LCP2: variants seen among roughly 807,000 people sequenced by gnomAD.
The protein encoded by LCP2 is lymphocyte cytosolic protein 2, also known as 76 kDa tyrosine phosphoprotein.
A neutral mutation model predicts 74.5 loss-of-function variants in LCP2; 29 were observed. The observed-to-expected ratio is 0.39, with a 90% confidence interval of 0.29 to 0.53. The LOEUF is 0.53. Ranked by LOEUF, LCP2 falls within the 20% of genes least tolerant of loss-of-function variation. The probability of loss-of-function intolerance (pLI) is 0.72; values close to 1 mark genes in which losing one functional copy is unlikely to be tolerated. For synonymous variants in LCP2, 228 were observed against 229.5 expected, an observed-to-expected ratio of 0.99 and a Z score of 0.06; for missense variants, 604 against 634.6, an observed-to-expected ratio of 0.95 and a Z score of 0.52.
intron 3 of LCP2, among the ~76,000 whole-genome samples, chr5:170,277,757 A>AG (rs1762031460): frequency 3.4e-5 from 5 of 146,350 alleles, no homozygotes; most frequent in Admixed American, 1.4e-4. Flanking sequence ...AAAAAAAAAA[A>AG]AAAAAAGAAA....
intron 19 of LCP2, 153 bp from the exon 20 acceptor site, chr5:170,251,038 C>A: frequency 1.7e-6 from 1 of 603,316 alleles, no homozygotes; most frequent in Non-Finnish European, 2.9e-6. Flanking sequence ...AACGAACATT[C>A]AGTTCTCCAA....
chr5:170,293,392 GTGT>G lies in LCP2; in HGVS notation c.79-23_79-21del, dbSNP rs776368829. 3.9e-5 allele frequency: 61 copies of G among 1,574,462 alleles called. No individual in the cohort carries two copies. Among genetic ancestry groups the G allele is most frequent in the South Asian group, 2.9e-4 (25 of 85,716 alleles). On this transcript the variant is annotated intron_variant, in intron 1 of 20. Transcript: ENST00000046794. ...GTTGAGCTGCAAAGAGAAGGGGAAG[GTGT>G]TGTTAGTGACGGGCAGTCTCTTACC...
At chr5:170,278,246 TC>T (rs1762039210) in intron 3 of LCP2, among the ~76,000 whole-genome samples, 1 of 143,482 alleles carries the variant, frequency 7.0e-6, no homozygotes, top group South Asian at 2.3e-4. Context: ...AAAACAAAGA[TC>T]CCTGCTAGTG....
At chr5:170,278,761 G>A (rs568022971) in intron 3 of LCP2, among the ~76,000 whole-genome samples, 3 of 152,130 alleles carry the variant, frequency 2.0e-5, no homozygotes, top group Non-Finnish European at 4.4e-5. Flanking sequence ...GGCTGCCGGG[G>A]CTCGAATTGG....
At chr5:170,261,158 TA>T in intron 13 of LCP2, 21 bp from the exon 14 acceptor site, 15 of 1,577,586 alleles carry the variant, frequency 9.5e-6, no homozygotes, top group Admixed American at 1.7e-5. Context: ...TTAGGGCAAA[TA>T]AAAAGAACTG....
At position 170,247,695 on chromosome 5, in the gene LCP2, G is replaced by A. The variant is rs558483514; in HGVS notation, c.*1002C>T. The A allele has an allele frequency of 6.6e-6, 1 of 152,322 alleles. No homozygotes were observed. Among genetic ancestry groups the A allele is most frequent in the African/African-American group, 2.4e-5 (1 of 41,568 alleles). The allele number at this position is 152,322 out of a possible 1,614,324, so 9.4% of individuals were successfully genotyped here. On this transcript the variant is annotated 3_prime_UTR_variant, in exon 21 of 21. Transcript: ENST00000046794. ...ATACAGCCTGTTTGGGAAGGATGAG[G>A]AGAAGGGACTTTATGGCAGAGCTGT...
Position 170,268,391 on chromosome 5 carries a change from AT to A in LCP2, c.614del (p.Asn205IlefsTer31). 1 of 650,494 alleles carries A rather than the reference AT, an allele frequency of 1.5e-6. No individual in the cohort carries two copies. Among genetic ancestry groups the A allele is most frequent in the Non-Finnish European group, 2.0e-6 (1 of 503,794 alleles). The allele number at this position is 650,494 out of a possible 1,614,324, so 40.3% of individuals were successfully genotyped here. ...AGAACGGGAGGAGGCCTACCGAGTGATTCCGGCCGGCTGGTGGGGGCGGGAG... is the reference window on the plus strand; with the variant it reads ...AGAACGGGAGGAGGCCTACCGAGTGATCCGGCCGGCTGGTGGGGGCGGGAG... ...AALPPPPAGR[N>X]HSPLPPPQTN... is the part of the protein sequence containing the mutation. On this transcript the variant is annotated frameshift_variant, in exon 8 of 21. Transcript: ENST00000046794. LOFTEE classifies it high-confidence loss of function.
chr5:170,275,568 A>G (rs1029477630), intron 4 of LCP2: 22 of 647,136 alleles, frequency 3.4e-5, no homozygotes, highest in Non-Finnish European at 5.6e-5. Context: ...GAAGCTCATG[A>G]CTGTCTGATG....
At position 170,250,756 on chromosome 5, in the gene LCP2, A is replaced by G. The variant is rs751413816; in HGVS notation, c.1453T>C (p.Leu485=). ...TCTTTCCCTCGGAGTCCAGTTCCCA[A>G]CAAGTAAACTTGACTTTCCTTCTGA... ...RYQKESQVYL[L]GTGLRGKEDF... Residue 485 remains leucine (L), a synonymous_variant, in exon 20 of 21, where the codon TTG becomes CTG. Coordinates refer to ENST00000046794, the MANE Select transcript of LCP2 (RefSeq NM_005565.5). 6.2e-7 allele frequency: 1 copy of G among 1,613,518 alleles called. No individual in the cohort carries two copies. Among genetic ancestry groups the G allele is most frequent in the South Asian group, 1.1e-5 (1 of 91,078 alleles).
chr5:170,289,758 C>CTT lies in LCP2; in HGVS notation c.142-1744_142-1743dup, dbSNP rs33981922. Among the ~76,000 whole-genome samples, 145 of 123,268 alleles carry CTT rather than the reference C, an allele frequency of 1.2e-3. 11 individuals are homozygous for CTT. The highest frequency in any genetic ancestry group is 2.5e-3 in the Admixed American group (29 of 11,668). The allele number at this position is 123,268 out of a possible 152,430, so 80.9% of individuals were successfully genotyped here. A position where few individuals can be genotyped will look rare whatever the true frequency, so the allele number is the denominator to read the frequency against. ...CTGTCTTTTCTTTTCTTTTCTTTCT[C>CTT]TTTTTTTTTTTCATCACTGAGCAGC... On this transcript the variant is annotated intron_variant, in intron 2 of 20. Transcript: ENST00000046794.
At chr5:170,253,988 A>G (rs192859886) in intron 17 of LCP2, among the ~76,000 whole-genome samples, 8 of 152,352 alleles carry the variant, frequency 5.3e-5, no homozygotes, top group Admixed American at 2.0e-4. Flanking sequence ...GGCTGTGGTT[A>G]AAAACAGAAA....
intron 2 of LCP2, among the ~76,000 whole-genome samples, chr5:170,292,708 T>A (rs1461343056): frequency 6.6e-6 from 1 of 152,170 alleles, no homozygotes; most frequent in Non-Finnish European, 1.5e-5. Flanking sequence ...GGGAAAATGC[T>A]CAAACCACCT....
chr5:170,258,105 T>C lies in LCP2; in HGVS notation c.1032A>G (p.Ser344=). 1.2e-6 allele frequency: 2 copies of C among 1,613,862 alleles called. No individual in the cohort carries two copies. Among genetic ancestry groups the C allele is most frequent in the Non-Finnish European group, 8.5e-7 (1 of 1,179,788 alleles). ...TCATGGGACTTGGCTTAGTAGATCT[T>C]GAAGGGAAAGTGTTGGAGCTCATAG... ...LLPMSSNTFP[S]RSTKPSPMNP... Residue 344 remains serine, a synonymous_variant, in exon 16 of 21, where the codon TCA becomes TCG. Coordinates refer to ENST00000046794, the MANE Select transcript of LCP2 (RefSeq NM_005565.5).
At chr5:170,270,056 A>G (rs1761868277) in intron 7 of LCP2, among the ~76,000 whole-genome samples, 1 of 152,036 alleles carries the variant, frequency 6.6e-6, no homozygotes, top group Non-Finnish European at 1.5e-5. Flanking sequence ...ATTTAAGAAT[A>G]TATTTGTTTA....
chr5:170,257,854 G>A (rs1237021915), intron 16 of LCP2, among the ~76,000 whole-genome samples, 183 bp downstream of exon 16: 2 of 152,094 alleles, frequency 1.3e-5, no homozygotes, highest in Non-Finnish European at 2.9e-5. Flanking sequence ...AGACTCAGAG[G>A]ACACTGGTGG....
rs1761418921 is a variant in LCP2, at chr5:170,250,739, T to A, written c.1470A>T (p.Arg490=). 1 of 1,613,046 alleles carries A rather than the reference T, an allele frequency of 6.2e-7. No individual in the cohort carries two copies. The highest frequency in any genetic ancestry group is 1.3e-5 in the African/African-American group (1 of 74,916). ...AATTTGAAATCCTTACCTCTTTCCCTCGGAGTCCAGTTCCCAACAAGTAAA... is the reference window on the plus strand; with the variant it reads ...AATTTGAAATCCTTACCTCTTTCCCACGGAGTCCAGTTCCCAACAAGTAAA... ...SQVYLLGTGL[R]GKEDFLSVSD... is the part of the protein sequence containing the mutation. The change falls in exon 20 of 21, where the codon CGA becomes CGT. Residue 490 remains arginine, a synonymous_variant. Transcript: ENST00000046794.
rs150577805 is a variant in LCP2, at chr5:170,261,407, G to GTGTGTGTA, written c.927-271_927-270insTACACACA. On this transcript the variant is annotated intron_variant, in intron 13 of 20. Coordinates refer to ENST00000046794, the MANE Select transcript of LCP2 (RefSeq NM_005565.5). Reference sequence around the variant, plus strand: ...AATAATTATGTGTGTGTGTGTGTGTGTATATATATATATATACACACTCTA... The same window carrying GTGTGTGTA: ...AATAATTATGTGTGTGTGTGTGTGTGTGTGTGTATATATATATATATATACACACTCTA... Among the ~76,000 whole-genome samples, 283 of 146,326 alleles carry GTGTGTGTA rather than the reference G, an allele frequency of 1.9e-3. 3 individuals are homozygous for GTGTGTGTA. Among genetic ancestry groups the GTGTGTGTA allele is most frequent in the East Asian group, 0.019 (93 of 4,854 alleles).
At chr5:170,250,981 C>T (rs977562779) in intron 19 of LCP2, 96 bp from the exon 20 acceptor site, 2 of 947,600 alleles carry the variant, frequency 2.1e-6, no homozygotes, top group Non-Finnish European at 3.2e-6. Flanking sequence ...ATCTGACAAA[C>T]ATGTCAGTTG....
intron 12 of LCP2, 27 bp downstream of exon 12, chr5:170,262,815 A>G (rs774109509): frequency 3.1e-6 from 5 of 1,613,966 alleles, no homozygotes; most frequent in Non-Finnish European, 4.2e-6. Flanking sequence ...CGTCCCATGT[A>G]CCCTCATGTA....
Sources: gnomAD v4.1 joint callset for allele counts (sites outside exome capture counted in the v4.1 genomes callset) on GRCh38, gnomAD v4.1.1 for gene constraint, MANE v1.5 for transcripts, NCBI Gene and HGNC (gene_info 2026-07-23, HGNC 2026-07-21) for gene names.